Variants in METTL15 observed in about 807,000 individuals in gnomAD.
The protein encoded by METTL15 is methyltransferase 15, mitochondrial 12S rRNA N4-cytidine.
Under a neutral mutation model 38.3 loss-of-function variants are expected in METTL15, and 34 were observed. The observed-to-expected ratio is 0.89, with a 90% confidence interval of 0.68 to 1.18. The LOEUF (loss-of-function observed/expected upper bound fraction) is 1.18. Ranked by LOEUF, METTL15 falls within the 50% of genes most tolerant of loss-of-function variation. METTL15 has a pLI of 0.00. For missense variants in METTL15, 438 were observed against 498.4 expected (o/e 0.88, Z 1.15); for synonymous variants, 162 against 170.9 (o/e 0.95, Z 0.41).
intron 4 of METTL15, among the ~76,000 whole-genome samples, chr11:28,283,653 AT>A (rs988500902): frequency 1.3e-5 from 2 of 152,180 alleles, no homozygotes; most frequent in African/African-American, 4.8e-5. Flanking sequence ...ACTTGCCAGT[AT>A]CAGGATTAAC....
At chr11:28,129,379 G>GA (rs1199197504) in intron 3 of METTL15, among the ~76,000 whole-genome samples, 34 of 151,400 alleles carry the variant, frequency 2.2e-4, no homozygotes, top group Admixed American at 1.4e-3. Context: ...TAAAACTTGG[G>GA]AAAAAATCTT....
At chr11:28,427,100 T>C (rs185545429) in intron 6 of METTL15, among the ~76,000 whole-genome samples, 5 of 152,332 alleles carry the variant, frequency 3.3e-5, no homozygotes, top group African/African-American at 1.2e-4. Flanking sequence ...CCATCTTGAA[T>C]TGATTTTTGT....
chr11:28,502,628 G>C (rs1315368224), intron 6 of METTL15, among the ~76,000 whole-genome samples: 1 of 152,174 alleles, frequency 6.6e-6, no homozygotes, highest in Non-Finnish European at 1.5e-5. Context: ...TATAAGATAT[G>C]AATACAATTT....
intron 3 of METTL15, among the ~76,000 whole-genome samples, chr11:28,347,170 G>A (rs1044670378): frequency 2.0e-5 from 3 of 152,130 alleles, no homozygotes; most frequent in Non-Finnish European, 2.9e-5. Flanking sequence ...TCTATTACAG[G>A]GAGCATAATG....
At chr11:28,196,408 A>C (rs534035932) in intron 3 of METTL15, among the ~76,000 whole-genome samples, 1 of 151,880 alleles carries the variant, frequency 6.6e-6, no homozygotes, top group East Asian at 1.9e-4. Flanking sequence ...CCTTGTAGAG[A>C]TATTTCACCT....
intron 3 of METTL15, among the ~76,000 whole-genome samples, chr11:28,115,917 GACAC>G (rs36046835): frequency 1.0e-4 from 13 of 125,670 alleles, no homozygotes; most frequent in African/African-American, 2.4e-4. Context: ...TGTATACACA[GACAC>G]ACACACATAC....
chr11:28,390,866 T>G (rs899987585), intron 5 of METTL15, among the ~76,000 whole-genome samples: 160 of 152,250 alleles, frequency 1.1e-3, no homozygotes, highest in African/African-American at 3.5e-3. Context: ...CATAAGCATG[T>G]AATGTTCTTC....
chr11:28,378,761 G>GTTT (rs61227879), intron 5 of METTL15, among the ~76,000 whole-genome samples: 41,000 of 123,470 alleles, frequency 0.33, 7,829 homozygotes, highest in Non-Finnish European at 0.42. Context: ...CTCCTCTTCA[G>GTTT]TTTTTTTTTT....
At chr11:28,209,841 G>C (rs182174584) in intron 3 of METTL15, among the ~76,000 whole-genome samples, 33 of 152,058 alleles carry the variant, frequency 2.2e-4, no homozygotes, top group Admixed American at 1.7e-3. Flanking sequence ...AATTTCCCTT[G>C]TTATGTACTA....
In METTL15 at chr11:28,207,845, T is replaced by C. The variant is rs188970278; in HGVS notation, c.271-3217T>C. 4.4e-3 allele frequency among the ~76,000 whole-genome samples: 665 copies of C among 152,292 alleles called. 7 individuals are homozygous for C. Among genetic ancestry groups the C allele is most frequent in the African/African-American group, 0.015 (640 of 41,562 alleles). The stretch of plus-strand genomic sequence containing the variant: ...TTCCTGGTTTAGTCTTGGGAGGGTG[T>C]ATGTGTCAAGGAATTTATCCATTTC... On this transcript the variant is annotated intron_variant, in intron 3 of 6. Transcript: ENST00000407364.
chr11:28,263,769 T>C (rs1855302632), intron 4 of METTL15, among the ~76,000 whole-genome samples: 1 of 152,120 alleles, frequency 6.6e-6, no homozygotes, highest in South Asian at 2.1e-4. Context: ...TTTTTATATA[T>C]GTGAATATCT....
chr11:28,422,528 A>G (rs1391669991), intron 5 of METTL15, among the ~76,000 whole-genome samples: 1 of 151,998 alleles, frequency 6.6e-6, no homozygotes, highest in African/African-American at 2.4e-5. Context: ...AGAACTCAGA[A>G]ACAAATCTGT....
At chr11:28,284,026 A>G (rs1460996197) in intron 4 of METTL15, among the ~76,000 whole-genome samples, 7 of 152,132 alleles carry the variant, frequency 4.6e-5, no homozygotes, top group Non-Finnish European at 1.5e-5. Context: ...GCCTAACGTA[A>G]TTGCATATAT....
At chr11:28,323,008 A>T (rs890716308) in intron 6 of METTL15, among the ~76,000 whole-genome samples, 3 of 152,156 alleles carry the variant, frequency 2.0e-5, no homozygotes, top group Non-Finnish European at 4.4e-5. Flanking sequence ...TATTTTACAG[A>T]TGATTCGTTT....
intron 3 of METTL15, among the ~76,000 whole-genome samples, chr11:28,345,356 T>C (rs923409419): frequency 6.6e-6 from 1 of 152,038 alleles, no homozygotes; most frequent in African/African-American, 2.4e-5. Context: ...GCCCGGCTAA[T>C]TTTTTGTATT....
Position 28,330,731 on chromosome 11 carries a change from C to G in METTL15, c.1114C>G (p.Pro372Ala), listed in dbSNP as rs1022748620. The change falls in exon 7 of 7, where the codon CCT becomes GCT. Residue 372 changes from proline (P) to alanine (A), a missense_variant. Physicochemically the swap from Pro to Ala is conservative, Grantham distance 27. Coordinates refer to ENST00000407364, the MANE Select transcript of METTL15 (RefSeq NM_001113528.2). Reference protein sequence around the residue: ...NTEEVSMRRAPLMWELIHKKV... With the variant: ...NTEEVSMRRAALMWELIHKKV... ...GGAAGAAGTCTCTATGAGAAGAGCT[C>G]CTTTAATGTGGGAATTGATACACAA... The G allele has an allele frequency of 2.6e-6, 4 of 1,551,466 alleles. No individual in the cohort carries two copies. The highest frequency in any genetic ancestry group is 3.5e-6 in the Non-Finnish European group (4 of 1,146,830).
intron 6 of METTL15, among the ~76,000 whole-genome samples, chr11:28,459,864 A>G (rs1483837409): frequency 1.3e-5 from 2 of 151,972 alleles, no homozygotes; most frequent in African/African-American, 4.8e-5. Flanking sequence ...AGCTGTTTTT[A>G]TGCTCTTATG....
chr11:28,287,252 G>A lies in METTL15; in HGVS notation c.408-2954G>A, dbSNP rs1856315023. ...TTACATCTCTAGAAAAAGAATTGCAGCATTTTCCCTCTGTGTGTTTTCTTC... is the reference window on the plus strand; with the variant it reads ...TTACATCTCTAGAAAAAGAATTGCAACATTTTCCCTCTGTGTGTTTTCTTC... On this transcript the variant is annotated intron_variant, in intron 4 of 6. Transcript: ENST00000407364. 1.5e-5 allele frequency: 3 copies of A among 204,160 alleles called. 1 individual carries two copies. The South Asian group carries it at 1.8e-4, about 12-fold the overall frequency. 12.6% of individuals were successfully genotyped at this position (204,160 alleles called of 1,614,324 possible). A position where few individuals can be genotyped will look rare whatever the true frequency, so the allele number is the denominator to read the frequency against.
intron 6 of METTL15, among the ~76,000 whole-genome samples, chr11:28,425,833 G>A (rs1306171688): frequency 6.6e-6 from 1 of 152,164 alleles, no homozygotes; most frequent in Non-Finnish European, 1.5e-5. Flanking sequence ...GTATAAAATT[G>A]TATGACCAAG....
Sources: gnomAD v4.1 joint callset for allele counts (sites outside exome capture counted in the v4.1 genomes callset) on GRCh38, gnomAD v4.1.1 for gene constraint, MANE v1.5 for transcripts, NCBI Gene and HGNC (gene_info 2026-07-23, HGNC 2026-07-21) for gene names.